The following SEL1L2 variants were observed in gnomAD, a reference collection of about 807,000 sequenced individuals.
SEL1L2 encodes SEL1L2 adaptor subunit of SYVN1 ubiquitin ligase, also known as protein sel-1 homolog 2.
In SEL1L2, 89 loss-of-function variants were observed where a neutral mutation model predicts 98.8. The observed-to-expected ratio is 0.90, with a 90% confidence interval of 0.76 to 1.07. The LOEUF (loss-of-function observed/expected upper bound fraction) is 1.07. Ranked by LOEUF, SEL1L2 falls within the 50% of genes least tolerant of loss-of-function variation. The pLI, the probability that SEL1L2 is intolerant of heterozygous loss-of-function variation, is 0.00. For synonymous variants in SEL1L2, 262 were observed against 278.5 expected (o/e 0.94, Z 0.59); for missense variants, 788 against 812.0 (o/e 0.97, Z 0.36).
upstream of SEL1L2, among the ~76,000 whole-genome samples, chr20:13,991,981 C>G (rs564642733): frequency 1.5e-4 from 23 of 152,136 alleles, no homozygotes; most frequent in East Asian, 3.9e-3. Flanking sequence ...GCAATGCAGC[C>G]TGAGCGACAG....
chr20:13,968,399 G>A (rs773159130), intron 1 of SEL1L2, among the ~76,000 whole-genome samples: 33 of 152,294 alleles, frequency 2.2e-4, no homozygotes, highest in Middle Eastern at 3.4e-3. Context: ...AGTGCCTAGC[G>A]CATAGCAAGT....
intron 3 of SEL1L2, chr20:13,928,035 T>A (rs996726706): frequency 6.6e-6 from 1 of 152,184 alleles, no homozygotes; most frequent in Non-Finnish European, 1.5e-5. Context: ...GAAGAGAAGA[T>A]GAGTTATCCT....
chr20:13,983,520 T>C (rs2051979117), intron 1 of SEL1L2, among the ~76,000 whole-genome samples: 3 of 152,090 alleles, frequency 2.0e-5, no homozygotes, highest in Admixed American at 2.0e-4. Flanking sequence ...TGTTTTGTTT[T>C]TGTTTTTGTT....
intron 4 of SEL1L2, among the ~76,000 whole-genome samples, chr20:13,914,823 C>T (rs1048270201): frequency 1.3e-5 from 2 of 152,078 alleles, no homozygotes; most frequent in Admixed American, 6.6e-5. Flanking sequence ...GTAGTGTGAA[C>T]ATTTAGTGAT....
intron 5 of SEL1L2, among the ~76,000 whole-genome samples, chr20:13,906,705 G>A (rs552188968): frequency 8.0e-4 from 122 of 152,104 alleles, no homozygotes; most frequent in South Asian, 5.6e-3. Context: ...TTGAGACAGC[G>A]TCTCACTCTG....
chr20:13,984,019 C>CT (rs11475402), intron 1 of SEL1L2, among the ~76,000 whole-genome samples: 2 of 132,260 alleles, frequency 1.5e-5, no homozygotes, highest in African/African-American at 2.7e-5. Context: ...AATCAGATTC[C>CT]TTTTTTTTTT....
At chr20:13,966,022 T>C (rs1256043660) in intron 1 of SEL1L2, among the ~76,000 whole-genome samples, 1 of 151,742 alleles carries the variant, frequency 6.6e-6, no homozygotes, top group Non-Finnish European at 1.5e-5. Context: ...AAGAAAACTT[T>C]TGGAATATTA....
chr20:13,856,989 G>T (rs538403289), intron 18 of SEL1L2, among the ~76,000 whole-genome samples: 2 of 152,112 alleles, frequency 1.3e-5, no homozygotes, highest in African/African-American at 2.4e-5. Context: ...CAAGCTTTGG[G>T]CTTTTAATTA....
chr20:13,979,016 T>G (rs887134240), intron 1 of SEL1L2, among the ~76,000 whole-genome samples: 1 of 152,056 alleles, frequency 6.6e-6, no homozygotes. Context: ...GCTGCGATCA[T>G]GCAACTGCAC....
chr20:13,900,041 G>GA (rs1270802705), intron 5 of SEL1L2, among the ~76,000 whole-genome samples: 1 of 152,012 alleles, frequency 6.6e-6, no homozygotes, highest in Non-Finnish European at 1.5e-5. Flanking sequence ...TTACATAATA[G>GA]AAAAAAATTT....
intron 5 of SEL1L2, 88 bp downstream of exon 5, chr20:13,913,694 G>A: frequency 1.7e-6 from 2 of 1,199,470 alleles, no homozygotes; most frequent in South Asian, 1.9e-5. Context: ...AGCAGAGCTG[G>A]AATACTATTG....
At chr20:13,886,520 G>T in intron 8 of SEL1L2, 78 bp from the exon 9 acceptor site, 2 of 1,124,932 alleles carry the variant, frequency 1.8e-6, no homozygotes, top group Non-Finnish European at 2.6e-6. Flanking sequence ...AGAAAACACC[G>T]TTAGCTTATT....
Position 13,919,065 on chromosome 20 carries a change from G to A in SEL1L2, c.342C>T (p.Gly114=). 6.2e-7 allele frequency: 1 copy of A among 1,613,682 alleles called. No individual in the cohort carries two copies. ...TDEGDQLFKM[G]IKVLQQSKSQ... ...TTTTAGACTGCTGGAGAACCTTGAT[G>A]CCCATCTTAAATAGCTGGTCTCCTT... The change falls in exon 4 of 20, where the codon GGC becomes GGT. Residue 114 remains glycine, a synonymous_variant. Coordinates refer to ENST00000284951, the MANE Select transcript of SEL1L2 (RefSeq NM_025229.2).
intron 10 of SEL1L2, among the ~76,000 whole-genome samples, chr20:13,879,698 C>A (rs1321460494): frequency 1.3e-5 from 2 of 152,032 alleles, no homozygotes; most frequent in African/African-American, 4.8e-5. Context: ...AAAATAGAAG[C>A]CACTGAAGAT....
intron 10 of SEL1L2, among the ~76,000 whole-genome samples, chr20:13,882,978 G>A (rs1282713253): frequency 1.3e-5 from 2 of 151,922 alleles, no homozygotes; most frequent in Admixed American, 6.5e-5. Context: ...CACTACGCCC[G>A]GCTAATTTTT....
In SEL1L2 at chr20:13,869,594, C is replaced by A. The variant is rs762148336; in HGVS notation, c.1168-4G>T. The stretch of plus-strand genomic sequence containing the variant: ...ATTTAAGTGCTTCGGCATAATTCTG[C>A]AAGATAATTACACTCTATTACTCAA... On this transcript the variant is annotated splice_polypyrimidine_tract_variant and splice_region_variant and intron_variant, in intron 13 of 19. Coordinates refer to ENST00000284951, the MANE Select transcript of SEL1L2 (RefSeq NM_025229.2). 2.5e-6 allele frequency: 4 copies of A among 1,612,202 alleles called. No individual in the cohort carries two copies. Among genetic ancestry groups the A allele is most frequent in the African/African-American group, 1.3e-5 (1 of 74,876 alleles).
chr20:13,914,094 T>C lies in SEL1L2; in HGVS notation c.387-150A>G, dbSNP rs1009366215. 5 of 617,164 alleles carry C rather than the reference T, an allele frequency of 8.1e-6. No individual in the cohort carries two copies. In the African/African-American group the frequency reaches 9.8e-5, roughly 12 times the overall value. 38.2% of individuals were successfully genotyped at this position (617,164 alleles called of 1,614,324 possible). ...TTCATTACATCTCTAGATCAGTAGA[T>C]TTTTTTCATTCCTAAAGCAGTCTAA... On this transcript the variant is annotated intron_variant, in intron 4 of 19. Coordinates refer to ENST00000284951, the MANE Select transcript of SEL1L2 (RefSeq NM_025229.2).
chr20:13,935,469 T>C (rs1192461896), intron 2 of SEL1L2, among the ~76,000 whole-genome samples: 1 of 152,206 alleles, frequency 6.6e-6, no homozygotes, highest in Admixed American at 6.5e-5. Flanking sequence ...AGAAGTTCTA[T>C]GATTACATTT....
chr20:13,934,962 C>T lies in SEL1L2; in HGVS notation c.115-3191G>A, dbSNP rs552981934. ...CATGGATTTTGATAAGCATCCTGCACTCTCTAGTATAGTGGAATTATCATA... is the reference window on the plus strand; with the variant it reads ...CATGGATTTTGATAAGCATCCTGCATTCTCTAGTATAGTGGAATTATCATA... On this transcript the variant is annotated intron_variant, in intron 2 of 19. Transcript: ENST00000284951. Among the ~76,000 whole-genome samples the T allele has an allele frequency of 2.0e-5, 3 of 152,218 alleles. No individual in the cohort carries two copies. In the South Asian group the frequency reaches 6.2e-4, roughly 32 times the overall value.
Sources: allele counts gnomAD v4.1 joint callset (sites outside exome capture counted in the v4.1 genomes callset), GRCh38; gene constraint gnomAD v4.1.1; transcripts MANE v1.5; gene names NCBI Gene and HGNC (gene_info 2026-07-23, HGNC 2026-07-21).